The following AKAP19 variants were observed in gnomAD, a reference collection of about 807,000 sequenced individuals.
AKAP19 encodes A-kinase anchoring protein 19.
At chr2:189,981,036 C>T in the AKAP19 span, among the ~76,000 whole-genome samples, 9 of 152,130 alleles carry the variant, frequency 5.9e-5, no homozygotes, top group Admixed American at 2.0e-4. Flanking sequence ...TTTGTTAGGT[C>T]CATTTGATCA....
chr2:189,971,088 C>G, the AKAP19 span, among the ~76,000 whole-genome samples: 1 of 152,124 alleles, frequency 6.6e-6, no homozygotes, highest in Non-Finnish European at 1.5e-5. Flanking sequence ...CACCCATTAA[C>G]TCATCATTTA....
chr2:190,160,339 T>G, the AKAP19 span, among the ~76,000 whole-genome samples: 3 of 44,744 alleles, frequency 6.7e-5, no homozygotes, highest in Non-Finnish European at 1.4e-4. Context: ...TAGAATAAGA[T>G]TTTTTTTTTA....
At chr2:189,890,755 G>T in the AKAP19 span, among the ~76,000 whole-genome samples, 13 of 151,820 alleles carry the variant, frequency 8.6e-5, no homozygotes, top group South Asian at 1.9e-3. Context: ...TGCCTTTTTT[G>T]CTTTCTATTT....
the AKAP19 span, chr2:190,056,381 TG>T: frequency 6.6e-6 from 1 of 151,322 alleles, no homozygotes; most frequent in Non-Finnish European, 1.5e-5. Flanking sequence ...CCATAAAAAC[TG>T]CAGTGTTGCA....
the AKAP19 span, among the ~76,000 whole-genome samples, chr2:190,008,804 T>G: frequency 6.6e-6 from 1 of 150,520 alleles, no homozygotes; most frequent in Admixed American, 6.6e-5. Context: ...CATTATGGGG[T>G]GTAAGTAAGC....
chr2:189,998,818 G>C, the AKAP19 span, among the ~76,000 whole-genome samples: 1 of 127,210 alleles, frequency 7.9e-6, no homozygotes, highest in African/African-American at 3.1e-5. Flanking sequence ...TTTCACCCAG[G>C]CTGGAGCACA....
the AKAP19 span, among the ~76,000 whole-genome samples, chr2:189,969,529 G>C: frequency 6.6e-6 from 1 of 151,808 alleles, no homozygotes; most frequent in African/African-American, 2.4e-5. Context: ...AGGAGTTCAC[G>C]ACTAGCCTGG....
chr2:190,183,968 T>A, the AKAP19 span, among the ~76,000 whole-genome samples: 1 of 152,186 alleles, frequency 6.6e-6, no homozygotes, highest in East Asian at 1.9e-4. Flanking sequence ...AATTTTAAAA[T>A]GAGCCTTTCT....
chr2:189,967,702 T>C, the AKAP19 span, among the ~76,000 whole-genome samples: 4 of 152,062 alleles, frequency 2.6e-5, no homozygotes, highest in Non-Finnish European at 5.9e-5. Flanking sequence ...TAGTCCCAGC[T>C]ACTTGGGAGG....
chr2:189,951,998 C>G, the AKAP19 span, among the ~76,000 whole-genome samples: 1 of 152,196 alleles, frequency 6.6e-6, no homozygotes, highest in Non-Finnish European at 1.5e-5. Flanking sequence ...ACAAACTACA[C>G]AAACTGAAAA....
the AKAP19 span, among the ~76,000 whole-genome samples, chr2:190,058,110 C>G: frequency 1.3e-3 from 197 of 152,162 alleles, 2 homozygotes; most frequent in African/African-American, 4.6e-3. Context: ...CCTCCTCACT[C>G]AGGAAAACTT....
the AKAP19 span, among the ~76,000 whole-genome samples, chr2:189,946,518 C>A: frequency 6.6e-6 from 1 of 152,050 alleles, no homozygotes; most frequent in Non-Finnish European, 1.5e-5. Flanking sequence ...GTTTAACGAC[C>A]TGAAAGTAGC....
the AKAP19 span, among the ~76,000 whole-genome samples, chr2:190,172,635 G>A: frequency 6.6e-6 from 1 of 152,194 alleles, no homozygotes; most frequent in African/African-American, 2.4e-5. Context: ...GATTTAGCAG[G>A]CCATTCTGAG....
the AKAP19 span, among the ~76,000 whole-genome samples, chr2:189,904,711 TGA>T: frequency 6.6e-6 from 1 of 151,968 alleles, no homozygotes; most frequent in Non-Finnish European, 1.5e-5. Flanking sequence ...CAGCCTATCT[TGA>T]GAGAAAATAT....
chr2:190,152,452 C>T, the AKAP19 span, among the ~76,000 whole-genome samples: 3 of 152,284 alleles, frequency 2.0e-5, no homozygotes, highest in Non-Finnish European at 4.4e-5. Context: ...CATGTGCATT[C>T]AAGTCTTTCT....
chr2:190,024,334 A>G, the AKAP19 span, among the ~76,000 whole-genome samples: 1 of 150,872 alleles, frequency 6.6e-6, no homozygotes, highest in Non-Finnish European at 1.5e-5. Flanking sequence ...GTGTGTATAT[A>G]TATATATGTG....
At chr2:189,910,003 G>T in the AKAP19 span, among the ~76,000 whole-genome samples, 1 of 151,784 alleles carries the variant, frequency 6.6e-6, no homozygotes, top group African/African-American at 2.4e-5. Flanking sequence ...GCTTTAATTT[G>T]TGCTTGGATA....
the AKAP19 span, chr2:189,930,346 A>G: frequency 5.2e-6 from 3 of 573,954 alleles, no homozygotes; most frequent in South Asian, 2.5e-5. Flanking sequence ...TCTACCAGTC[A>G]TAATACAGTC....
chr2:190,174,991 A>ATACATAGAGTACATAGAT, the AKAP19 span, among the ~76,000 whole-genome samples: 1 of 104,900 alleles, frequency 9.5e-6, no homozygotes, highest in African/African-American at 2.8e-5. Context: ...AGCACATAAG[A>ATACATAGAGTACATAGAT]TACATAGATT....
Sources: allele counts gnomAD v4.1 joint callset (sites outside exome capture counted in the v4.1 genomes callset), GRCh38; gene constraint gnomAD v4.1.1; transcripts MANE v1.5; gene names NCBI Gene and HGNC (gene_info 2026-07-23, HGNC 2026-07-21).